CDH18: variants seen among roughly 807,000 people sequenced by gnomAD.
CDH18 encodes the protein cadherin-18.
CDH18 carries 31 observed loss-of-function variants against 67.9 expected under a neutral mutation model. The observed-to-expected ratio is 0.46, with a 90% CI of 0.34 to 0.62. The LOEUF is 0.62. Ranked by LOEUF, CDH18 falls within the 20% of genes least tolerant of loss-of-function variation. CDH18 has a pLI of 0.01. For missense variants in CDH18, 890 were observed against 975.5 expected (o/e 0.91, Z 1.17); for synonymous variants, 362 against 347.2 (o/e 1.04, Z -0.48).
chr5:20,250,543 A>T (rs893224254), intron 2 of CDH18, among the ~76,000 whole-genome samples: 3 of 134,660 alleles, frequency 2.2e-5, no homozygotes, highest in African/African-American at 8.5e-5. Flanking sequence ...CGCCCACCTC[A>T]GCCTCCTAAA....
At chr5:19,592,742 GAC>G (rs1745376069) in intron 6 of CDH18, among the ~76,000 whole-genome samples, 1 of 152,090 alleles carries the variant, frequency 6.6e-6, no homozygotes, top group Non-Finnish European at 1.5e-5. Flanking sequence ...GCTATTCATA[GAC>G]ACAGTATTTT....
chr5:19,678,830 G>T (rs2150375864), intron 5 of CDH18, among the ~76,000 whole-genome samples: 1 of 151,988 alleles, frequency 6.6e-6, no homozygotes, highest in East Asian at 1.9e-4. Flanking sequence ...ATCAGAAAAT[G>T]TCCAGGACCA....
intron 2 of CDH18, among the ~76,000 whole-genome samples, chr5:19,943,317 T>C (rs1312213442): frequency 6.6e-6 from 1 of 152,066 alleles, no homozygotes; most frequent in African/African-American, 2.4e-5. Flanking sequence ...CCATTTTTAT[T>C]CCACTACACC....
intron 2 of CDH18, among the ~76,000 whole-genome samples, chr5:20,138,464 G>C (rs994474761): frequency 2.6e-5 from 4 of 152,030 alleles, no homozygotes; most frequent in African/African-American, 9.7e-5. Context: ...GTTCTGGCCA[G>C]GACAATCAGG....
intron 5 of CDH18, among the ~76,000 whole-genome samples, chr5:19,617,460 T>G (rs148551155): frequency 2.6e-5 from 4 of 152,344 alleles, no homozygotes; most frequent in African/African-American, 9.6e-5. Context: ...ATTTAGTACA[T>G]TTTTAAAGCC....
At chr5:20,130,668 A>G (rs954776211) in intron 2 of CDH18, among the ~76,000 whole-genome samples, 5 of 152,008 alleles carry the variant, frequency 3.3e-5, no homozygotes, top group African/African-American at 9.7e-5. Flanking sequence ...CGGCAGGCCT[A>G]TGATAAGAGA....
intron 3 of CDH18, among the ~76,000 whole-genome samples, chr5:19,769,112 A>G (rs1773437877): frequency 6.6e-6 from 1 of 152,082 alleles, no homozygotes; most frequent in African/African-American, 2.4e-5. Flanking sequence ...AGTCACAGAA[A>G]TAGAGAGAGA....
At chr5:19,505,711 T>C (rs1249275339) in intron 10 of CDH18, among the ~76,000 whole-genome samples, 1 of 152,154 alleles carries the variant, frequency 6.6e-6, no homozygotes, top group African/African-American at 2.4e-5. Context: ...GCTGCTGGAT[T>C]CGGTTTGCCA....
At chr5:20,019,459 A>G (rs2150429881) in intron 2 of CDH18, among the ~76,000 whole-genome samples, 1 of 152,002 alleles carries the variant, frequency 6.6e-6, no homozygotes, top group South Asian at 2.1e-4. Flanking sequence ...GCCTTGTGGG[A>G]GGTGATTGGA....
chr5:20,422,514 T>C (rs1747942355), intron 1 of CDH18, among the ~76,000 whole-genome samples: 1 of 151,100 alleles, frequency 6.6e-6, no homozygotes, highest in South Asian at 2.1e-4. Flanking sequence ...ATGTGTTGTT[T>C]TCTGTGAATG....
chr5:19,604,210 G>A lies in CDH18; in HGVS notation c.811+8224C>T, dbSNP rs529340395. On this transcript the variant is annotated intron_variant, in intron 6 of 12. Transcript: ENST00000382275. ...TTCTAGTTGCTTTTTAAAAGACCTT[G>A]TGTCTTTACTACAGTAATTTTGTCA... Among the ~76,000 whole-genome samples the A allele has an allele frequency of 9.9e-5, 15 of 152,078 alleles. No individual in the cohort carries two copies. In the South Asian group the frequency reaches 3.1e-3, roughly 32 times the overall value.
At chr5:19,549,790 AAGGAAGAAAGAAAAAG>A (rs1296143545) in intron 8 of CDH18, among the ~76,000 whole-genome samples, 5 of 150,260 alleles carry the variant, frequency 3.3e-5, no homozygotes, top group African/African-American at 1.2e-4. Context: ...GGAAGAAAGA[AAGGAAGAAAGAAAAAG>A]AAAGAAAAAG....
At chr5:20,026,966 A>T (rs925165476) in intron 2 of CDH18, among the ~76,000 whole-genome samples, 1 of 152,222 alleles carries the variant, frequency 6.6e-6, no homozygotes, top group East Asian at 1.9e-4. Context: ...AACATAAAAA[A>T]AAAATAAATA....
intron 1 of CDH18, among the ~76,000 whole-genome samples, chr5:20,388,645 T>A (rs1424193195): frequency 6.6e-6 from 1 of 152,134 alleles, no homozygotes; most frequent in Non-Finnish European, 1.5e-5. Context: ...TCTCTAGTTC[T>A]TTTAATTGTG....
intron 4 of CDH18, among the ~76,000 whole-genome samples, chr5:19,725,213 AC>A (rs1766670839): frequency 6.6e-6 from 1 of 151,832 alleles, no homozygotes; most frequent in African/African-American, 2.4e-5. Context: ...GGCGTGAGCC[AC>A]CGCACCCGGC....
intron 1 of CDH18, among the ~76,000 whole-genome samples, chr5:20,256,705 T>G (rs1744258766): frequency 6.6e-6 from 1 of 151,884 alleles, no homozygotes; most frequent in South Asian, 2.1e-4. Context: ...TTCATCAAAG[T>G]AGAAATGTCT....
chr5:20,488,342 C>A (rs892372266), intron 1 of CDH18, among the ~76,000 whole-genome samples: 1 of 152,006 alleles, frequency 6.6e-6, no homozygotes, highest in Non-Finnish European at 1.5e-5. Context: ...AGGATTTTCA[C>A]GTACCCTTTT....
At chr5:20,381,044 T>C (rs1310371030) in intron 1 of CDH18, among the ~76,000 whole-genome samples, 12 of 151,990 alleles carry the variant, frequency 7.9e-5, no homozygotes, top group Admixed American at 7.9e-4. Flanking sequence ...CTCACATCTG[T>C]AGGTGTAGGA....
intron 8 of CDH18, among the ~76,000 whole-genome samples, chr5:19,561,086 G>A (rs549916078): frequency 3.3e-5 from 5 of 152,204 alleles, no homozygotes; most frequent in East Asian, 1.9e-4. Flanking sequence ...CAACCACTAC[G>A]GAAAACAGTG....
Sources: gnomAD v4.1 joint callset for allele counts (sites outside exome capture counted in the v4.1 genomes callset) on GRCh38, gnomAD v4.1.1 for gene constraint, MANE v1.5 for transcripts, NCBI Gene and HGNC (gene_info 2026-07-23, HGNC 2026-07-21) for gene names.